The following RBM23 variants were observed in gnomAD, a reference collection of about 807,000 sequenced individuals.
RBM23 encodes probable RNA-binding protein 23.
In RBM23, 53 loss-of-function variants were observed where a neutral mutation model predicts 56.2. The ratio of observed to expected loss-of-function variants is 0.94; its 90% CI spans 0.76 to 1.19. The LOEUF (loss-of-function observed/expected upper bound fraction) is 1.19. RBM23 is among the 50% of genes most tolerant of loss of function. The pLI is 0.00. For missense variants in RBM23, 642 were observed against 590.3 expected (o/e 1.09, Z -0.91); for synonymous variants, 197 against 198.5 (o/e 0.99, Z 0.06).
chr14:22,899,164 G>A lies in RBM23; in HGVS notation c.*2566C>T, dbSNP rs1455249721. 2 of 152,178 alleles carry A rather than the reference G, an allele frequency of 1.3e-5. No individual in the cohort carries two copies. Among genetic ancestry groups the A allele is most frequent in the African/African-American group, 2.4e-5 (1 of 41,444 alleles). The allele number at this position is 152,178 out of a possible 1,614,324, so 9.4% of individuals were successfully genotyped here. Reference sequence around the variant, plus strand: ...TGTTGAAGATGGGGCTTAATACGAGGTGACTGAGTCACAAGGACAGAGCCC... The same window carrying A: ...TGTTGAAGATGGGGCTTAATACGAGATGACTGAGTCACAAGGACAGAGCCC... On this transcript the variant is annotated 3_prime_UTR_variant, in exon 14 of 14. Coordinates refer to ENST00000359890, the MANE Select transcript of RBM23 (RefSeq NM_001077351.2).
In RBM23 at chr14:22,910,092, G is replaced by A. The variant is rs374071993; in HGVS notation, c.67-497C>T. 1.8e-4 allele frequency among the ~76,000 whole-genome samples: 25 copies of A among 141,370 alleles called. No individual in the cohort carries two copies. In the East Asian group the frequency reaches 5.4e-3, roughly 30 times the overall value. The allele number at this position is 141,370 out of a possible 152,430, so 92.7% of individuals were successfully genotyped here. ...CATTTGAATCTGGGAGGCAAAGGTT[G>A]CAGTAACTGGGATTGTACCACTGCA... On this transcript the variant is annotated intron_variant, in intron 2 of 13. Coordinates refer to ENST00000359890, the MANE Select transcript of RBM23 (RefSeq NM_001077351.2).
At position 22,894,867 on chromosome 14, in the gene RBM23, A is replaced by C. The variant is rs1038142022; in HGVS notation, c.*6863T>G. 1 of 150,104 alleles carries C rather than the reference A, an allele frequency of 6.7e-6. No homozygotes were observed. Among genetic ancestry groups the C allele is most frequent in the Non-Finnish European group, 1.5e-5 (1 of 67,618 alleles). The allele number at this position is 150,104 out of a possible 1,614,324, so 9.3% of individuals were successfully genotyped here. A position where few individuals can be genotyped will look rare whatever the true frequency, so the allele number is the denominator to read the frequency against. On this transcript the variant is annotated 3_prime_UTR_variant, in exon 14 of 14. Coordinates refer to ENST00000359890, the MANE Select transcript of RBM23 (RefSeq NM_001077351.2). ...ATCCTGGCTAAAACAGTGAAACCCC[A>C]TCTCTACTAAAAAATACAAAAAATT... is the stretch of plus-strand genomic sequence containing the variant.
intron 5 of RBM23, 152 bp from the exon 6 acceptor site, chr14:22,905,811 C>G: frequency 6.1e-6 from 4 of 653,014 alleles, no homozygotes; most frequent in Non-Finnish European, 1.1e-5. Flanking sequence ...TGCAGTGGCG[C>G]CATCTCGGGT....
rs564789354 is a variant in RBM23 at position 22,898,775 on chromosome 14, G to A, written c.*2955C>T. ...CAAGCAGAGGAAGGCAGGGAGGCAA[G>A]GCCTGTGGATATTTATAATAGTCTG... On this transcript the variant is annotated 3_prime_UTR_variant, in exon 14 of 14. Coordinates refer to ENST00000359890, the MANE Select transcript of RBM23 (RefSeq NM_001077351.2). The A allele has an allele frequency of 6.6e-6, 1 of 151,950 alleles. No individual in the cohort carries two copies. The highest frequency in any genetic ancestry group is 2.1e-4 in the South Asian group (1 of 4,818). The allele number at this position is 151,950 out of a possible 1,614,324, so 9.4% of individuals were successfully genotyped here.
chr14:22,915,354 C>T (rs1404259844), intron 1 of RBM23, among the ~76,000 whole-genome samples: 1 of 151,870 alleles, frequency 6.6e-6, no homozygotes, highest in Non-Finnish European at 1.5e-5. Flanking sequence ...GCATGCGCCA[C>T]CACATCCAGC....
rs200828196 is a variant in RBM23, at chr14:22,901,759, A to G, written c.1317-26T>C. ...CTGTGGAAAGAAGAGGTAAATGGGA[A>G]GCCAAAGGAAAGAGAATAATCAAAG... On this transcript the variant is annotated intron_variant, in intron 13 of 13. Coordinates refer to ENST00000359890, the MANE Select transcript of RBM23 (RefSeq NM_001077351.2). 900 of 1,613,960 alleles carry G rather than the reference A, an allele frequency of 5.6e-4. 8 individuals carry two copies. In the South Asian group the frequency reaches 8.3e-3, roughly 15 times the overall value.
chr14:22,911,861 AG>A (rs1478809743), intron 1 of RBM23: 1 of 153,346 alleles, frequency 6.5e-6, no homozygotes, highest in African/African-American at 2.4e-5. Context: ...CAGTGAGCCA[AG>A]ATCACGCCAC....
At chr14:22,902,813 C>G in intron 10 of RBM23, 1 of 937,290 alleles carries the variant, frequency 1.1e-6, no homozygotes, top group South Asian at 5.1e-5. Context: ...GTCACTCTGT[C>G]ACTGAGGCTA....
At position 22,901,379 on chromosome 14, in the gene RBM23, TC is replaced by T. The variant is rs2040466901; in HGVS notation, c.*350del. 3 of 229,806 alleles carry T rather than the reference TC, an allele frequency of 1.3e-5. No individual in the cohort carries two copies. In the African/African-American group the frequency reaches 1.6e-4, roughly 13 times the overall value. The allele number at this position is 229,806 out of a possible 1,614,324, so 14.2% of individuals were successfully genotyped here. The stretch of plus-strand genomic sequence containing the variant: ...AGGAAAAGGAGAGAGGTCAGTTCCT[TC>T]AGTATGCCCTATGGCCTTCCCAATG... On this transcript the variant is annotated 3_prime_UTR_variant, in exon 14 of 14. Transcript: ENST00000359890.
intron 1 of RBM23, among the ~76,000 whole-genome samples, chr14:22,918,050 C>T (rs530699053): frequency 6.6e-6 from 1 of 152,150 alleles, no homozygotes; most frequent in South Asian, 2.1e-4. Flanking sequence ...ACAATGAGAA[C>T]GATAAAAGCT....
At chr14:22,910,057 G>C (rs2139033771) in intron 2 of RBM23, among the ~76,000 whole-genome samples, 1 of 149,362 alleles carries the variant, frequency 6.7e-6, no homozygotes, top group Non-Finnish European at 1.5e-5. Context: ...GGAGGCTGAG[G>C]CAGGAGAATC....
rs567727164 is a variant in RBM23, at chr14:22,908,366, C to G, written c.194G>C (p.Arg65Pro). The change falls in exon 4 of 14, where the codon CGG becomes CCG. Residue 65 changes from arginine to proline, a missense_variant. Transcript: ENST00000359890. ...IGETSKKKRSRSHNKSRDRKR... is the reference protein window; with the variant it reads ...IGETSKKKRSPSHNKSRDRKR... ...TCTATCCCTGCTTTTATTATGGCTC[C>G]GACTCCTCTTCTTCCTGTGAAAGAG... 1 of 1,548,942 alleles carries G rather than the reference C, an allele frequency of 6.5e-7. No homozygotes were observed. The highest frequency in any genetic ancestry group is 1.4e-5 in the African/African-American group (1 of 72,922).
In RBM23 at chr14:22,893,966, G is replaced by T. The variant is rs956601285; in HGVS notation, c.*7764C>A. 1 of 152,190 alleles carries T rather than the reference G, an allele frequency of 6.6e-6. No individual in the cohort carries two copies. The allele number at this position is 152,190 out of a possible 1,614,324, so 9.4% of individuals were successfully genotyped here. On this transcript the variant is annotated 3_prime_UTR_variant, in exon 14 of 14. Coordinates refer to ENST00000359890, the MANE Select transcript of RBM23 (RefSeq NM_001077351.2). The stretch of plus-strand genomic sequence containing the variant: ...TGCTCAGGATGTTTCCTGGATGGGG[G>T]TCTGTGGATGAAGTCACTCTTAACC...
chr14:22,917,577 T>C (rs2043766627), intron 1 of RBM23: 1 of 151,992 alleles, frequency 6.6e-6, no homozygotes, highest in Non-Finnish European at 1.5e-5. Flanking sequence ...TTTTTTGTTT[T>C]TTTTTTGTAT....
At chr14:22,904,836 T>C (rs768656459) in intron 9 of RBM23, 39 bp downstream of exon 9, 189 of 1,612,104 alleles carry the variant, frequency 1.2e-4, no homozygotes, top group Non-Finnish European at 1.6e-4. Flanking sequence ...TCCCCACTTC[T>C]TCCAATTCCC....
At chr14:22,909,439 T>TCCCTTCCCCAAGTTG in intron 3 of RBM23, 44 bp downstream of exon 3, 2 of 1,498,546 alleles carry the variant, frequency 1.3e-6, no homozygotes, top group Non-Finnish European at 1.9e-6. Flanking sequence ...CAAAACTGTT[T>TCCCTTCCCCAAGTTG]CCCTTCCCCA....
intron 1 of RBM23, among the ~76,000 whole-genome samples, chr14:22,916,169 T>C (rs972481179): frequency 2.0e-5 from 3 of 152,124 alleles, no homozygotes; most frequent in Non-Finnish European, 4.4e-5. Context: ...TGAACTGTGA[T>C]CATGCCGCTG....
rs748171374 is a variant in RBM23 at position 22,904,296 on chromosome 14, C to T, written c.895G>A (p.Asp299Asn). The T allele has an allele frequency of 9.9e-6, 16 of 1,612,548 alleles. No individual in the cohort carries two copies. The African/African-American group carries it at 2.1e-4, about 22-fold the overall frequency. Reference protein sequence around the residue: ...IDNIVLMKDSDTGRSKGYGFI... With the variant: ...IDNIVLMKDSNTGRSKGYGFI... ...CCATAACCTTTAGAGCGGCCTGTAT[C>T]TGAGTCCTTCATCAGGACAATATTA... Residue 299 changes from aspartate (D) to asparagine (N), a missense_variant, in exon 10 of 14, where the codon GAT (aspartate) becomes AAT (asparagine). Physicochemically the swap from Asp to Asn is conservative, Grantham distance 23 (BLOSUM62 1). Transcript: ENST00000359890.
intron 10 of RBM23, chr14:22,903,423 A>C: frequency 1.0e-6 from 1 of 985,478 alleles, no homozygotes; most frequent in Non-Finnish European, 1.2e-6. Context: ...ACTTGCCACC[A>C]CAGAATTGTC....
Sources: gnomAD v4.1 joint callset for allele counts (sites outside exome capture counted in the v4.1 genomes callset) on GRCh38, gnomAD v4.1.1 for gene constraint, MANE v1.5 for transcripts, NCBI Gene and HGNC (gene_info 2026-07-23, HGNC 2026-07-21) for gene names.